The following CSMD3 variants were observed in gnomAD, a reference collection of about 807,000 sequenced individuals.
CSMD3 encodes the protein CUB and sushi domain-containing protein 3.
CSMD3 carries 177 observed loss-of-function variants against 435.2 expected under a neutral mutation model. That is an observed-to-expected ratio of 0.41 (90% CI 0.36 to 0.46). The LOEUF (loss-of-function observed/expected upper bound fraction) is 0.46, where lower values mean the gene tolerates loss of function less well. Ranked by LOEUF, CSMD3 falls within the 20% of genes least tolerant of loss-of-function variation. The probability of loss-of-function intolerance (pLI) is 0.34; values close to 1 mark genes in which losing one functional copy is unlikely to be tolerated. For missense variants in CSMD3, 4,265 were observed against 4,504.6 expected (o/e 0.95, Z 1.52); for synonymous variants, 1,656 against 1,520.5 (o/e 1.09, Z -2.07).
chr8:112,746,096 T>A (rs908834577), intron 13 of CSMD3, among the ~76,000 whole-genome samples: 1 of 152,172 alleles, frequency 6.6e-6, no homozygotes, highest in Non-Finnish European at 1.5e-5. Context: ...CTTGCAACTA[T>A]AGTTTTATAT....
At chr8:112,919,992 A>T (rs549984548) in intron 10 of CSMD3, among the ~76,000 whole-genome samples, 1 of 151,984 alleles carries the variant, frequency 6.6e-6, no homozygotes, top group Admixed American at 6.6e-5. Context: ...AGAGAAGAAG[A>T]GCTAGAGAGA....
chr8:113,007,939 C>T (rs1488306612), intron 6 of CSMD3, among the ~76,000 whole-genome samples: 2 of 151,720 alleles, frequency 1.3e-5, no homozygotes, highest in Admixed American at 6.6e-5. Context: ...ACACTATTAA[C>T]CCCCTTATGT....
At chr8:113,053,139 T>C (rs903657327) in intron 5 of CSMD3, among the ~76,000 whole-genome samples, 7 of 152,094 alleles carry the variant, frequency 4.6e-5, no homozygotes, top group Admixed American at 3.3e-4. Context: ...ATAGGATGTT[T>C]AACAAGTCCT....
intron 13 of CSMD3, among the ~76,000 whole-genome samples, chr8:112,710,708 A>G (rs1169789683): frequency 6.6e-6 from 1 of 151,592 alleles, no homozygotes; most frequent in African/African-American, 2.4e-5. Context: ...CTTCATGAGT[A>G]TTTATACTTT....
intron 31 of CSMD3, among the ~76,000 whole-genome samples, chr8:112,478,163 C>T (rs189183908): frequency 6.6e-6 from 1 of 152,156 alleles, no homozygotes; most frequent in African/African-American, 2.4e-5. Flanking sequence ...TCCAATAAAC[C>T]TCTTTCCTTT....
chr8:112,642,339 A>G (rs1028175166), intron 20 of CSMD3, among the ~76,000 whole-genome samples: 4 of 152,124 alleles, frequency 2.6e-5, no homozygotes, highest in Admixed American at 2.6e-4. Flanking sequence ...GACTTCTACA[A>G]CGTGTTTAAG....
At chr8:112,418,928 C>G (rs140051742) in intron 32 of CSMD3, among the ~76,000 whole-genome samples, 473 of 152,196 alleles carry the variant, frequency 3.1e-3, no homozygotes, top group African/African-American at 0.011. Context: ...TTAGGTTATG[C>G]ATATAAGAAG....
chr8:112,725,722 C>A (rs891859893), intron 13 of CSMD3, among the ~76,000 whole-genome samples: 1 of 151,810 alleles, frequency 6.6e-6, no homozygotes, highest in Non-Finnish European at 1.5e-5. Flanking sequence ...GAGAAAAAAT[C>A]CGAAGGATTT....
intron 1 of CSMD3, among the ~76,000 whole-genome samples, chr8:113,383,768 C>G (rs973121038): frequency 1.3e-4 from 20 of 152,156 alleles, no homozygotes; most frequent in African/African-American, 4.8e-4. Flanking sequence ...GGCAGTTTTT[C>G]ACAGGCTGAT....
chr8:113,315,262 C>T (rs117734593), intron 1 of CSMD3, among the ~76,000 whole-genome samples: 1 of 152,146 alleles, frequency 6.6e-6, no homozygotes, highest in East Asian at 1.9e-4. Flanking sequence ...AGATCTCTAC[C>T]CTGTAGCTCA....
chr8:112,555,272 A>G (rs973661710), intron 25 of CSMD3, among the ~76,000 whole-genome samples: 3 of 151,982 alleles, frequency 2.0e-5, no homozygotes, highest in African/African-American at 7.2e-5. Context: ...CAAAAAGTAG[A>G]GAATATCTTC....
chr8:112,244,257 T>C, intron 65 of CSMD3, 137 bp downstream of exon 65: 1 of 711,990 alleles, frequency 1.4e-6, no homozygotes, highest in Middle Eastern at 3.8e-4. Context: ...CAGAAGTGTT[T>C]ACATTACTCC....
intron 11 of CSMD3, among the ~76,000 whole-genome samples, chr8:112,832,127 C>G (rs1347370893): frequency 6.6e-6 from 1 of 152,150 alleles, no homozygotes; most frequent in Non-Finnish European, 1.5e-5. Context: ...ATTAATGACA[C>G]AAGCTCATAA....
Position 113,344,900 on chromosome 8 carries a change from T to G in CSMD3, c.179-30107A>C, listed in dbSNP as rs183362255. 4.7e-3 allele frequency among the ~76,000 whole-genome samples: 723 copies of G among 152,254 alleles called. 1 individual carries two copies. The highest frequency in any genetic ancestry group is 8.0e-3 in the Non-Finnish European group (546 of 68,004). ...CTAGTAGAATAATGATAATTATTAT[T>G]GTACATCACTTTACAACTTCCAAAA... is the stretch of plus-strand genomic sequence containing the variant. On this transcript the variant is annotated intron_variant, in intron 1 of 70. Transcript: ENST00000297405.
At chr8:112,379,511 G>A (rs1829274437) in intron 38 of CSMD3, among the ~76,000 whole-genome samples, 1 of 151,954 alleles carries the variant, frequency 6.6e-6, no homozygotes, top group South Asian at 2.1e-4. Context: ...AAATAGTGAC[G>A]AGAAAAGATA....
intron 6 of CSMD3, among the ~76,000 whole-genome samples, chr8:112,996,567 G>A (rs1257265393): frequency 6.6e-6 from 1 of 151,568 alleles, no homozygotes; most frequent in Admixed American, 6.6e-5. Flanking sequence ...CACTCACTGA[G>A]AATAGTTAAT....
intron 11 of CSMD3, among the ~76,000 whole-genome samples, chr8:112,850,542 T>G (rs760098413): frequency 4.6e-5 from 7 of 152,210 alleles, no homozygotes; most frequent in African/African-American, 1.7e-4. Flanking sequence ...GAAACAATTA[T>G]AAAAATGAAT....
chr8:112,876,153 C>A (rs1403349980), intron 10 of CSMD3, among the ~76,000 whole-genome samples: 3 of 152,136 alleles, frequency 2.0e-5, no homozygotes, highest in African/African-American at 7.2e-5. Flanking sequence ...CCTGAATAGA[C>A]CAATAACAAG....
chr8:112,636,366 CA>C (rs1170873500), intron 22 of CSMD3, among the ~76,000 whole-genome samples: 1 of 151,982 alleles, frequency 6.6e-6, no homozygotes. Context: ...ATCTTTTATG[CA>C]TGTTAATTTT....
Sources: gnomAD v4.1 joint callset for allele counts (sites outside exome capture counted in the v4.1 genomes callset) on GRCh38, gnomAD v4.1.1 for gene constraint, MANE v1.5 for transcripts, NCBI Gene and HGNC (gene_info 2026-07-23, HGNC 2026-07-21) for gene names.